The following SLC16A1 variants were observed in gnomAD, a reference collection of about 807,000 sequenced individuals.
The protein encoded by SLC16A1 is solute carrier family 16 member 1, also known as monocarboxylate transporter 1.
SLC16A1 carries 11 observed loss-of-function variants against 32.2 expected under a neutral mutation model. The ratio of observed to expected loss-of-function variants is 0.34; its 90% CI spans 0.21 to 0.56. The LOEUF (loss-of-function observed/expected upper bound fraction) is 0.56. SLC16A1 is among the 20% of genes least tolerant of loss of function. The pLI is 0.87. For missense variants in SLC16A1, 435 were observed against 615.0 expected (o/e 0.71, Z 3.10); for synonymous variants, 231 against 226.8 (o/e 1.02, Z -0.17).
intron 1 of SLC16A1, among the ~76,000 whole-genome samples, chr1:112,940,237 C>T (rs144760217): frequency 9.2e-5 from 14 of 151,782 alleles, no homozygotes; most frequent in African/African-American, 3.1e-4. Context: ...GAAGTTTTGC[C>T]GTGTTTCACA....
chr1:112,920,186 A>C (rs1276959870), intron 3 of SLC16A1, among the ~76,000 whole-genome samples: 1 of 152,172 alleles, frequency 6.6e-6, no homozygotes, highest in African/African-American at 2.4e-5. Context: ...GGAATTTTTA[A>C]ATGTAGCTGG....
At chr1:112,927,693 A>C (rs1264405819) in intron 2 of SLC16A1, among the ~76,000 whole-genome samples, 2 of 152,230 alleles carry the variant, frequency 1.3e-5, no homozygotes, top group African/African-American at 2.4e-5. Flanking sequence ...AACTCAAAAA[A>C]ATGTGCTAGT....
intron 3 of SLC16A1, 136 bp downstream of exon 3, chr1:112,921,854 C>G: frequency 9.5e-7 from 1 of 1,050,658 alleles, no homozygotes; most frequent in Admixed American, 2.2e-5. Flanking sequence ...ACTTTTATCT[C>G]TAGTTCTTCA....
intron 1 of SLC16A1, among the ~76,000 whole-genome samples, chr1:112,931,411 A>G (rs1649123462): frequency 6.6e-6 from 1 of 151,962 alleles, no homozygotes; most frequent in African/African-American, 2.4e-5. Flanking sequence ...TCTGGGAGGC[A>G]GAGGTAGGTA....
chr1:112,919,274 T>C (rs920871210), intron 3 of SLC16A1, among the ~76,000 whole-genome samples: 1 of 152,236 alleles, frequency 6.6e-6, no homozygotes, highest in South Asian at 2.1e-4. Context: ...GACCTCGTGA[T>C]CCACCTGGCT....
intron 1 of SLC16A1, among the ~76,000 whole-genome samples, chr1:112,936,218 G>GAAAATAA (rs1308581689): frequency 6.6e-6 from 1 of 151,766 alleles, no homozygotes; most frequent in Non-Finnish European, 1.5e-5. Context: ...TTCTAACTTA[G>GAAAATAA]AGAAGGCAGC....
chr1:112,943,787 C>CAAAAA (rs60946516), intron 1 of SLC16A1, among the ~76,000 whole-genome samples: 1 of 49,488 alleles, frequency 2.0e-5, no homozygotes, highest in Non-Finnish European at 5.3e-5. Context: ...GACTCCATCT[C>CAAAAA]AAAAAAAAAA....
chr1:112,932,566 G>A (rs1649171860), intron 1 of SLC16A1, among the ~76,000 whole-genome samples: 1 of 151,986 alleles, frequency 6.6e-6, no homozygotes, highest in South Asian at 2.1e-4. Context: ...CACTTTGGGA[G>A]GCTGAGGCGG....
intron 1 of SLC16A1, among the ~76,000 whole-genome samples, chr1:112,930,724 G>GTTTTT (rs536201953): frequency 7.4e-6 from 1 of 135,206 alleles, no homozygotes; most frequent in Non-Finnish European, 1.6e-5. Context: ...AACATTTTAG[G>GTTTTT]TTTTTTTTTT....
At chr1:112,923,613 GAC>G (rs1648820697) in intron 2 of SLC16A1, 1 of 1,412,048 alleles carries the variant, frequency 7.1e-7, no homozygotes, top group African/African-American at 1.4e-5. Context: ...CCTGAAACCT[GAC>G]AGTCTCCGGT....
intron 1 of SLC16A1, among the ~76,000 whole-genome samples, chr1:112,948,482 T>G (rs1213420679): frequency 6.6e-6 from 1 of 152,184 alleles, no homozygotes; most frequent in Admixed American, 6.6e-5. Context: ...ATATTTTTTT[T>G]TAGATGGAGT....
At position 112,913,375 on chromosome 1, in the gene SLC16A1, G is replaced by C. The variant is rs754537571; in HGVS notation, c.*516C>G. On this transcript the variant is annotated 3_prime_UTR_variant, in exon 5 of 5. Transcript: ENST00000369626. ...TGATGCTAGGAAAATATTTTTGTCA[G>C]CATTTTGTAAAATCTCTAACTTTCA... The C allele has an allele frequency of 8.1e-4, 128 of 158,958 alleles. No homozygotes were observed. Among genetic ancestry groups the C allele is most frequent in the Admixed American group, 3.0e-4 (5 of 16,648 alleles). The allele number at this position is 158,958 out of a possible 1,614,324, so 9.8% of individuals were successfully genotyped here. A position where few individuals can be genotyped will look rare whatever the true frequency, so the allele number is the denominator to read the frequency against.
Position 112,948,406 on chromosome 1 carries a change from C to T in SLC16A1, c.-45+7629G>A, listed in dbSNP as rs116374974. On this transcript the variant is annotated intron_variant, in intron 1 of 4. Transcript: ENST00000369626. Reference sequence around the variant, plus strand: ...ATTAAATAGCCTTTTTAATTGCTAACGATATAAATCTTAGACTATGCTGCC... The same window carrying T: ...ATTAAATAGCCTTTTTAATTGCTAATGATATAAATCTTAGACTATGCTGCC... Among the ~76,000 whole-genome samples the T allele has an allele frequency of 3.9e-3, 592 of 152,020 alleles. 5 individuals carry two copies. Among genetic ancestry groups the T allele is most frequent in the African/African-American group, 0.014 (560 of 41,426 alleles).
chr1:112,927,761 T>A (rs189567229), intron 2 of SLC16A1, among the ~76,000 whole-genome samples: 81 of 152,340 alleles, frequency 5.3e-4, no homozygotes, highest in Non-Finnish European at 1.1e-3. Flanking sequence ...GAAAGTGTCA[T>A]GTGCAACTAA....
rs1282029814 is a variant in SLC16A1 at position 112,917,816 on chromosome 1, G to C, written c.590C>G (p.Pro197Arg). ...TGCCTTGGTTGGCTTGGGCCCGATTGGTCGCATGAGGGCTCCAGCAACACA... is the reference window on the plus strand; with the variant it reads ...TGCCTTGGTTGGCTTGGGCCCGATTCGTCGCATGAGGGCTCCAGCAACACA... ...NCCVAGALMRPIGPKPTKAGK... is the reference protein window; with the variant it reads ...NCCVAGALMRRIGPKPTKAGK... The change falls in exon 4 of 5, where the codon CCA becomes CGA. Residue 197 changes from proline (P) to arginine (R), a missense_variant. Pro to Arg is a moderately radical substitution (Grantham distance 103, BLOSUM62 -2). Coordinates refer to ENST00000369626, the MANE Select transcript of SLC16A1 (RefSeq NM_003051.4). The surrounding 1 kb of genome is among the most constrained non-coding windows in gnomAD (Gnocchi z 4.1). The C allele has an allele frequency of 1.2e-6, 2 of 1,614,138 alleles. No individual in the cohort carries two copies. The highest frequency in any genetic ancestry group is 1.7e-6 in the Non-Finnish European group (2 of 1,180,032).
At chr1:112,944,434 C>A (rs926608227) in intron 1 of SLC16A1, among the ~76,000 whole-genome samples, 9 of 152,020 alleles carry the variant, frequency 5.9e-5, no homozygotes, top group African/African-American at 1.9e-4. Context: ...ACAGAGTGAA[C>A]CCGTCTCAAA....
At chr1:112,954,719 G>T (rs755729452) in intron 1 of SLC16A1, among the ~76,000 whole-genome samples, 2 of 152,166 alleles carry the variant, frequency 1.3e-5, no homozygotes, top group Non-Finnish European at 2.9e-5. Context: ...GCAATCTGAT[G>T]AAACAACAGC....
chr1:112,924,745 A>G (rs1202996846), intron 2 of SLC16A1, among the ~76,000 whole-genome samples: 1 of 152,120 alleles, frequency 6.6e-6, no homozygotes, highest in Non-Finnish European at 1.5e-5. Context: ...GGGGCCAGGT[A>G]TGGTGGTGGT....
intron 1 of SLC16A1, among the ~76,000 whole-genome samples, chr1:112,954,868 A>G (rs1254764586): frequency 7.9e-5 from 12 of 152,330 alleles, no homozygotes. Context: ...GTCGTGCCCC[A>G]GGGTGTAAGA....
Sources: gnomAD v4.1 joint callset for allele counts (sites outside exome capture counted in the v4.1 genomes callset) on GRCh38, gnomAD v4.1.1 for gene constraint, Gnocchi (gnomAD v3.1) non-coding constraint, MANE v1.5 for transcripts, NCBI Gene and HGNC (gene_info 2026-07-23, HGNC 2026-07-21) for gene names.